The following ENTREP2 variants were observed in gnomAD, a reference collection of about 807,000 sequenced individuals.
ENTREP2 encodes protein ENTREP2.
the ENTREP2 span, among the ~76,000 whole-genome samples, chr15:29,301,460 T>A: frequency 1.3e-4 from 20 of 152,240 alleles, no homozygotes; most frequent in Non-Finnish European, 2.6e-4. Flanking sequence ...TCTGCTTTTC[T>A]GTGATTTTAC....
the ENTREP2 span, among the ~76,000 whole-genome samples, chr15:29,560,640 C>T: frequency 6.6e-6 from 1 of 152,070 alleles, no homozygotes; most frequent in Non-Finnish European, 1.5e-5. Context: ...CCTGAGGATG[C>T]TCTGAGACTG....
At chr15:29,608,443 T>C in the ENTREP2 span, among the ~76,000 whole-genome samples, 3 of 151,944 alleles carry the variant, frequency 2.0e-5, no homozygotes, top group Admixed American at 2.0e-4. Flanking sequence ...TTCTCCTGAG[T>C]GTGGAGCCCT....
the ENTREP2 span, chr15:29,117,721 C>T: frequency 6.4e-6 from 1 of 156,124 alleles, no homozygotes; most frequent in African/African-American, 2.4e-5. Context: ...ATGAAAACTC[C>T]ATATTTATTT....
the ENTREP2 span, among the ~76,000 whole-genome samples, chr15:29,358,628 T>C: frequency 2.0e-5 from 3 of 152,056 alleles, no homozygotes; most frequent in South Asian, 6.2e-4. Context: ...TTTCCTAATT[T>C]AAAACAGAAA....
At chr15:29,267,530 A>T in the ENTREP2 span, 22 of 152,212 alleles carry the variant, frequency 1.4e-4, no homozygotes, top group Admixed American at 1.4e-3. Context: ...TCAGTTTGCC[A>T]GACAGCCCCA....
chr15:29,286,823 G>C, the ENTREP2 span, among the ~76,000 whole-genome samples: 1 of 152,168 alleles, frequency 6.6e-6, no homozygotes, highest in Non-Finnish European at 1.5e-5. Flanking sequence ...CTTCCTGCCT[G>C]TTCCTTGTCT....
the ENTREP2 span, among the ~76,000 whole-genome samples, chr15:29,342,869 A>G: frequency 6.6e-6 from 1 of 152,214 alleles, no homozygotes; most frequent in Non-Finnish European, 1.5e-5. Flanking sequence ...TGAATTAGAA[A>G]TATTTCTCCC....
At chr15:29,517,809 T>C in the ENTREP2 span, among the ~76,000 whole-genome samples, 2 of 152,300 alleles carry the variant, frequency 1.3e-5, no homozygotes, top group South Asian at 2.1e-4. Context: ...TGAGGTACAC[T>C]TGACAAATAA....
chr15:29,433,411 A>G, the ENTREP2 span, among the ~76,000 whole-genome samples: 1 of 152,288 alleles, frequency 6.6e-6, no homozygotes, highest in African/African-American at 2.4e-5. Context: ...TTAGAAACTC[A>G]ACTCCAACAG....
chr15:29,531,169 T>C, the ENTREP2 span, among the ~76,000 whole-genome samples: 1 of 152,236 alleles, frequency 6.6e-6, no homozygotes, highest in Non-Finnish European at 1.5e-5. Flanking sequence ...TGATTTCTCC[T>C]GACTTTGCAA....
At chr15:29,596,993 G>A in the ENTREP2 span, among the ~76,000 whole-genome samples, 1 of 151,382 alleles carries the variant, frequency 6.6e-6, no homozygotes, top group East Asian at 1.9e-4. Flanking sequence ...AAATTTACCT[G>A]ATTAGGGTTT....
the ENTREP2 span, among the ~76,000 whole-genome samples, chr15:29,607,304 C>CTTTTTTTTTTTTTTTTTTT: frequency 7.6e-6 from 1 of 131,778 alleles, no homozygotes. Flanking sequence ...CTCTTCATTT[C>CTTTTTTTTTTTTTTTTTTT]TTTTTTTTTT....
At chr15:29,387,908 C>A in the ENTREP2 span, among the ~76,000 whole-genome samples, 1 of 152,286 alleles carries the variant, frequency 6.6e-6, no homozygotes, top group South Asian at 2.1e-4. Context: ...GGAAAACTGG[C>A]TAGCCATACG....
the ENTREP2 span, among the ~76,000 whole-genome samples, chr15:29,423,413 TAA>T: frequency 3.9e-5 from 6 of 152,262 alleles, no homozygotes; most frequent in East Asian, 9.6e-4. Flanking sequence ...GAGAAGAATG[TAA>T]AATTCACCCA....
chr15:29,152,820 T>C, the ENTREP2 span, among the ~76,000 whole-genome samples: 8 of 152,258 alleles, frequency 5.3e-5, no homozygotes, highest in Admixed American at 3.9e-4. Flanking sequence ...CAATTGCTGA[T>C]TTGTACAGTA....
At chr15:29,657,190 C>A in the ENTREP2 span, among the ~76,000 whole-genome samples, 1 of 151,766 alleles carries the variant, frequency 6.6e-6, no homozygotes, top group Non-Finnish European at 1.5e-5. Flanking sequence ...TGGGACTACA[C>A]GCGCCCACCA....
At chr15:29,398,537 A>T in the ENTREP2 span, among the ~76,000 whole-genome samples, 1 of 152,044 alleles carries the variant, frequency 6.6e-6, no homozygotes, top group Non-Finnish European at 1.5e-5. Context: ...CAGCCTGGCC[A>T]ACATGGTAAA....
At chr15:29,582,754 C>T in the ENTREP2 span, among the ~76,000 whole-genome samples, 2 of 152,002 alleles carry the variant, frequency 1.3e-5, no homozygotes, top group Non-Finnish European at 2.9e-5. Context: ...CAGGTTCAAG[C>T]GATTCTCCTG....
At chr15:29,548,194 T>C in the ENTREP2 span, among the ~76,000 whole-genome samples, 1 of 152,038 alleles carries the variant, frequency 6.6e-6, no homozygotes, top group Non-Finnish European at 1.5e-5. Context: ...GTGGCTCACA[T>C]CTGTAGTCCC....
Sources: gnomAD v4.1 joint callset for allele counts (sites outside exome capture counted in the v4.1 genomes callset) on GRCh38, gnomAD v4.1.1 for gene constraint, MANE v1.5 for transcripts, NCBI Gene and HGNC (gene_info 2026-07-23, HGNC 2026-07-21) for gene names.